Variants in RCSD1 observed in about 807,000 individuals in gnomAD.
RCSD1 encodes RCSD domain containing 1, also known as capZ-interacting protein.
In RCSD1, 26 loss-of-function variants were observed where a neutral mutation model predicts 42.5. The ratio of observed to expected loss-of-function variants is 0.61; its 90% CI spans 0.45 to 0.85. The LOEUF (loss-of-function observed/expected upper bound fraction) is 0.85, where lower values mean the gene tolerates loss of function less well. Ranked by LOEUF, RCSD1 falls within the 40% of genes least tolerant of loss-of-function variation. The probability of loss-of-function intolerance (pLI) is 0.00; values close to 1 mark genes in which losing one functional copy is unlikely to be tolerated. For missense variants in RCSD1, 571 were observed against 528.3 expected (o/e 1.08, Z -0.79); for synonymous variants, 220 against 212.2 (o/e 1.04, Z -0.32).
rs1415513108 is a variant in RCSD1, at chr1:167,708,691, C to A, written c.*3995C>A. Reference sequence around the variant, plus strand: ...GGTATTCAATAAATATTTGTTAAATCATGAATGACTGAATTGATTTCAGAG... The same window carrying A: ...GGTATTCAATAAATATTTGTTAAATAATGAATGACTGAATTGATTTCAGAG... On this transcript the variant is annotated 3_prime_UTR_variant, in exon 7 of 7. Coordinates refer to ENST00000367854, the MANE Select transcript of RCSD1 (RefSeq NM_052862.4). Among the ~76,000 whole-genome samples the A allele has an allele frequency of 6.6e-6, 1 of 152,206 alleles. No homozygotes were observed. Among genetic ancestry groups the A allele is most frequent in the African/African-American group, 2.4e-5 (1 of 41,448 alleles).
Position 167,694,666 on chromosome 1 carries a change from A to G in RCSD1, c.474+364A>G, listed in dbSNP as rs1659454812. ...GAACGCAAAAGCTAAAGGCCTGATC[A>G]GTGATTTGCACAGAATGCTGGGCAG... On this transcript the variant is annotated intron_variant, in intron 5 of 6. Coordinates refer to ENST00000367854, the MANE Select transcript of RCSD1 (RefSeq NM_052862.4). Among the ~76,000 whole-genome samples, 3 of 152,212 alleles carry G rather than the reference A, an allele frequency of 2.0e-5. No homozygotes were observed. In the South Asian group the frequency reaches 6.2e-4, roughly 32 times the overall value.
At chr1:167,682,894 T>G (rs1419241193) in intron 1 of RCSD1, among the ~76,000 whole-genome samples, 1 of 152,178 alleles carries the variant, frequency 6.6e-6, no homozygotes, top group Non-Finnish European at 1.5e-5. Context: ...GCTGCCACCA[T>G]GGTGACAAAA....
chr1:167,702,550 G>A (rs946694994), intron 6 of RCSD1, among the ~76,000 whole-genome samples: 4 of 152,266 alleles, frequency 2.6e-5, no homozygotes, highest in Admixed American at 6.5e-5. Flanking sequence ...AGGCTGAGGC[G>A]GGCAGATCAC....
chr1:167,676,711 C>T (rs1289606966), intron 1 of RCSD1, among the ~76,000 whole-genome samples: 1 of 152,206 alleles, frequency 6.6e-6, no homozygotes, highest in African/African-American at 2.4e-5. Flanking sequence ...GGAATTTGCC[C>T]AGACACTAGC....
At position 167,640,080 on chromosome 1, in the gene RCSD1, G is replaced by A. The variant is rs116859425; in HGVS notation, c.6+9651G>A. Reference sequence around the variant, plus strand: ...CTCAAAGAGATGCCTGGCACTCCAGGCTGCTATACAGTGCGGAAGTGCTGC... The same window carrying A: ...CTCAAAGAGATGCCTGGCACTCCAGACTGCTATACAGTGCGGAAGTGCTGC... On this transcript the variant is annotated intron_variant, in intron 1 of 6. Transcript: ENST00000367854. 2.7e-4 allele frequency among the ~76,000 whole-genome samples: 41 copies of A among 152,322 alleles called. No individual in the cohort carries two copies. In the East Asian group the frequency reaches 7.5e-3, roughly 28 times the overall value.
chr1:167,663,630 A>G (rs1434461946), intron 1 of RCSD1: 2 of 152,284 alleles, frequency 1.3e-5, no homozygotes, highest in Non-Finnish European at 2.9e-5. Context: ...CGACATGAAG[A>G]TGCAATGCCA....
chr1:167,662,288 A>T (rs1280731190), intron 1 of RCSD1, among the ~76,000 whole-genome samples: 1 of 152,068 alleles, frequency 6.6e-6, no homozygotes, highest in Admixed American at 6.5e-5. Flanking sequence ...AGTGAAGGTT[A>T]TTTTTTCCCT....
chr1:167,654,822 T>A (rs559233971), intron 1 of RCSD1, among the ~76,000 whole-genome samples: 3 of 152,110 alleles, frequency 2.0e-5, no homozygotes, highest in Non-Finnish European at 4.4e-5. Flanking sequence ...ACAGTGAGGA[T>A]GAAGAGTCTA....
chr1:167,701,461 A>G (rs1218561980), intron 6 of RCSD1, among the ~76,000 whole-genome samples: 1 of 151,942 alleles, frequency 6.6e-6, no homozygotes, highest in Non-Finnish European at 1.5e-5. Context: ...CCGCACCACC[A>G]TGCCAGGCTA....
At chr1:167,637,021 C>T (rs921832050) in intron 1 of RCSD1, among the ~76,000 whole-genome samples, 3 of 152,158 alleles carry the variant, frequency 2.0e-5, no homozygotes, top group African/African-American at 7.2e-5. Context: ...AGACAAACAC[C>T]TAAACAGATT....
intron 3 of RCSD1, among the ~76,000 whole-genome samples, chr1:167,689,371 A>G (rs1659318040): frequency 1.3e-5 from 2 of 151,854 alleles, no homozygotes; most frequent in Admixed American, 1.3e-4. Flanking sequence ...AATTCCAGCT[A>G]CTTGGGAGGC....
At chr1:167,666,415 T>A (rs1658657561) in intron 1 of RCSD1, among the ~76,000 whole-genome samples, 1 of 152,230 alleles carries the variant, frequency 6.6e-6, no homozygotes, top group South Asian at 2.1e-4. Context: ...TTATTACTGT[T>A]GAAAAATACA....
intron 2 of RCSD1, among the ~76,000 whole-genome samples, chr1:167,684,505 A>G (rs1280236002): frequency 6.6e-6 from 1 of 151,114 alleles, no homozygotes; most frequent in African/African-American, 2.4e-5. Context: ...GGAAAGTGTG[A>G]CAAGGGAGGG....
chr1:167,682,948 TA>T (rs1247242350), intron 1 of RCSD1, among the ~76,000 whole-genome samples: 1 of 152,126 alleles, frequency 6.6e-6, no homozygotes, highest in Non-Finnish European at 1.5e-5. Flanking sequence ...TAAAAAATCT[TA>T]TTCAAACCAA....
intron 1 of RCSD1, among the ~76,000 whole-genome samples, chr1:167,646,047 G>A (rs76134643): frequency 0.052 from 7,876 of 152,310 alleles, 224 homozygotes; most frequent in Middle Eastern, 0.075. Context: ...AACCAACTGC[G>A]GGAAGAATCC....
intron 1 of RCSD1, among the ~76,000 whole-genome samples, chr1:167,645,045 C>CGG (rs747520417): frequency 2.6e-5 from 4 of 152,294 alleles, no homozygotes; most frequent in Non-Finnish European, 5.9e-5. Flanking sequence ...TGGCAGGCCA[C>CGG]GGGGCTCTAT....
chr1:167,632,199 G>C (rs145977590), intron 1 of RCSD1, among the ~76,000 whole-genome samples: 55 of 152,350 alleles, frequency 3.6e-4, no homozygotes, highest in African/African-American at 1.3e-3. Context: ...GTTGGGTGAA[G>C]TCTCCTTAAG....
At position 167,683,955 on chromosome 1, in the gene RCSD1, C is replaced by G. The variant is rs752743010; in HGVS notation, c.62C>G (p.Ala21Gly). Residue 21 changes from alanine to glycine, a missense_variant, in exon 2 of 7, where the codon GCC (alanine) becomes GGC (glycine). Transcript: ENST00000367854. Reference sequence around the variant, plus strand: ...GACAACTCGGCGTCCCCCTCGGTGGCCCAGCTGGCCGGGCGGTTTAGGGAG... The same window carrying G: ...GACAACTCGGCGTCCCCCTCGGTGGGCCAGCTGGCCGGGCGGTTTAGGGAG... ...NVDNSASPSV[A>G]QLAGRFREQA... 1.9e-5 allele frequency: 30 copies of G among 1,614,136 alleles called. No homozygotes were observed. Among genetic ancestry groups the G allele is most frequent in the Non-Finnish European group, 2.5e-5 (30 of 1,180,024 alleles).
intron 5 of RCSD1, among the ~76,000 whole-genome samples, chr1:167,694,974 G>T (rs1659461922): frequency 6.6e-6 from 1 of 152,214 alleles, no homozygotes; most frequent in Non-Finnish European, 1.5e-5. Context: ...CAGGGGCCAA[G>T]ACTTCTTGGG....
Sources: allele counts gnomAD v4.1 joint callset (sites outside exome capture counted in the v4.1 genomes callset), GRCh38; gene constraint gnomAD v4.1.1; transcripts MANE v1.5; gene names NCBI Gene and HGNC (gene_info 2026-07-23, HGNC 2026-07-21).